Variants in C1orf185 observed in about 807,000 individuals in gnomAD.
C1orf185 encodes uncharacterized protein C1orf185.
In C1orf185, 13 loss-of-function variants were observed where a neutral mutation model predicts 16.1. The ratio of observed to expected loss-of-function variants is 0.81; its 90% confidence interval spans 0.53 to 1.28. The LOEUF is 1.28. Among genes scored for constraint, C1orf185 ranks in the 50% most tolerant of loss-of-function variants. The pLI is 0.00. For synonymous variants in C1orf185, 80 were observed against 76.9 expected (o/e 1.04, Z -0.21); for missense variants, 220 against 225.2 (o/e 0.98, Z 0.15).
intron 1 of C1orf185, among the ~76,000 whole-genome samples, chr1:51,110,350 G>A (rs1412387047): frequency 6.6e-6 from 1 of 151,902 alleles, no homozygotes; most frequent in African/African-American, 2.4e-5. Flanking sequence ...TCCTAATTTG[G>A]GGCATTTGGA....
chr1:51,107,948 A>G (rs1374343662), intron 1 of C1orf185, among the ~76,000 whole-genome samples: 1 of 152,228 alleles, frequency 6.6e-6, no homozygotes, highest in African/African-American at 2.4e-5. Context: ...TAGTGCTCCT[A>G]TAAATATTTT....
In C1orf185 at chr1:51,147,593, A is replaced by G; in HGVS notation, c.422A>G (p.Asp141Gly). The G allele has an allele frequency of 6.4e-7, 1 of 1,551,576 alleles. No individual in the cohort carries two copies. The highest frequency in any genetic ancestry group is 2.4e-5 in the East Asian group (1 of 40,898). The change falls in exon 5 of 5, where the codon GAT becomes GGT. Residue 141 changes from aspartate (D) to glycine (G), a missense_variant. Physicochemically the swap from Asp to Gly is moderately conservative, Grantham distance 94. Transcript: ENST00000371759. ...VTLSLSTLPS[D>G]SYYSQSIEAA... is the part of the protein sequence containing the mutation. ...TTAAGCTTATCAACATTACCATCTG[A>G]TTCTTATTACAGCCAAAGTATAGAA...
rs547274694 is a variant in C1orf185, at chr1:51,113,689, AATAC to A, written c.122+1140_122+1143del. Among the ~76,000 whole-genome samples, 20 of 152,116 alleles carry A rather than the reference AATAC, an allele frequency of 1.3e-4. No homozygotes were observed. The East Asian group carries it at 2.7e-3, about 21-fold the overall frequency. ...GAAAAGAGTGAAACTCCATCTCAAA[AATAC>A]ATACATACATACATACATAAATTCA... On this transcript the variant is annotated intron_variant, in intron 2 of 4. Transcript: ENST00000371759.
Position 51,132,351 on chromosome 1 carries a change from C to T in C1orf185, c.259-13373C>T, listed in dbSNP as rs141085624. 3.9e-3 allele frequency among the ~76,000 whole-genome samples: 587 copies of T among 152,216 alleles called. 2 individuals carry two copies. The highest frequency in any genetic ancestry group is 6.9e-3 in the Non-Finnish European group (471 of 68,012). The stretch of plus-strand genomic sequence containing the variant: ...CAAGAAGCTAAAAATCATGATAAAA[C>T]GATGCAGGAGCTGACAGACAAAATA... On this transcript the variant is annotated intron_variant, in intron 3 of 4. Transcript: ENST00000371759.
chr1:51,129,284 G>A (rs371036301), intron 3 of C1orf185, among the ~76,000 whole-genome samples: 11 of 152,244 alleles, frequency 7.2e-5, no homozygotes, highest in African/African-American at 1.9e-4. Flanking sequence ...GGGATTATGA[G>A]TGTGAGCCGC....
chr1:51,107,974 G>C (rs1646086392), intron 1 of C1orf185, among the ~76,000 whole-genome samples: 1 of 152,150 alleles, frequency 6.6e-6, no homozygotes, highest in African/African-American at 2.4e-5. Context: ...ATGTTTTTGT[G>C]AACACACATA....
At chr1:51,119,120 T>C (rs928461989) in intron 3 of C1orf185, among the ~76,000 whole-genome samples, 7 of 152,182 alleles carry the variant, frequency 4.6e-5, no homozygotes, top group Non-Finnish European at 8.8e-5. Flanking sequence ...GATCTGGAGA[T>C]AAGAGATACT....
downstream of C1orf185, among the ~76,000 whole-genome samples, chr1:51,149,180 T>C (rs1646418588): frequency 6.6e-6 from 1 of 152,064 alleles, no homozygotes; most frequent in Non-Finnish European, 1.5e-5. Flanking sequence ...ATGAAATTAA[T>C]CCCCTTGGGA....
chr1:51,108,270 C>A (rs1570286443), intron 1 of C1orf185, among the ~76,000 whole-genome samples: 1 of 151,828 alleles, frequency 6.6e-6, no homozygotes, highest in Admixed American at 6.6e-5. Flanking sequence ...CATTTAGATT[C>A]TCTTTTATGA....
intron 3 of C1orf185, among the ~76,000 whole-genome samples, chr1:51,141,658 A>G (rs1254430455): frequency 6.6e-6 from 1 of 152,090 alleles, no homozygotes; most frequent in Middle Eastern, 3.2e-3. Flanking sequence ...AAATGTGTGT[A>G]TGGGTGTGTA....
downstream of C1orf185, among the ~76,000 whole-genome samples, chr1:51,148,475 T>G (rs970036126): frequency 6.6e-6 from 1 of 152,166 alleles, no homozygotes; most frequent in Non-Finnish European, 1.5e-5. Context: ...CCTTATACTT[T>G]TGATGTTTTC....
intron 2 of C1orf185, among the ~76,000 whole-genome samples, chr1:51,114,582 G>C (rs1646144667): frequency 6.6e-6 from 1 of 152,084 alleles, no homozygotes; most frequent in Non-Finnish European, 1.5e-5. Context: ...AATTACCCGG[G>C]AATGGTGGTA....
intron 1 of C1orf185, among the ~76,000 whole-genome samples, chr1:51,103,654 T>C (rs1646049487): frequency 6.6e-6 from 1 of 151,556 alleles, no homozygotes; most frequent in African/African-American, 2.4e-5. Context: ...CTGCCTCAGC[T>C]GCCCCGCTAA....
chr1:51,135,894 C>A (rs866240427), intron 3 of C1orf185, among the ~76,000 whole-genome samples: 12 of 152,264 alleles, frequency 7.9e-5, no homozygotes, highest in Non-Finnish European at 1.5e-4. Context: ...ACATGCTCCA[C>A]TATCTAGAAA....
At chr1:51,129,116 C>G (rs1223133581) in intron 3 of C1orf185, among the ~76,000 whole-genome samples, 2 of 152,206 alleles carry the variant, frequency 1.3e-5, no homozygotes, top group South Asian at 4.2e-4. Context: ...AACTCCTGAC[C>G]TCAGGCGATC....
intron 3 of C1orf185, among the ~76,000 whole-genome samples, chr1:51,143,195 C>T (rs890372595): frequency 2.0e-5 from 3 of 152,178 alleles, no homozygotes; most frequent in Non-Finnish European, 4.4e-5. Flanking sequence ...TGTGAAGACA[C>T]TTTGAAACCA....
intron 1 of C1orf185, among the ~76,000 whole-genome samples, chr1:51,109,825 G>T (rs1325038280): frequency 6.6e-6 from 1 of 152,104 alleles, no homozygotes; most frequent in Non-Finnish European, 1.5e-5. Flanking sequence ...CAGATAGTGT[G>T]ATACCTCCAA....
At chr1:51,117,648 TAC>T (rs1646167430) in intron 2 of C1orf185, among the ~76,000 whole-genome samples, 1 of 152,176 alleles carries the variant, frequency 6.6e-6, no homozygotes, top group Non-Finnish European at 1.5e-5. Context: ...ACTTTAGTAA[TAC>T]ACATGTAAGT....
chr1:51,117,284 A>G (rs1646164763), intron 2 of C1orf185, among the ~76,000 whole-genome samples: 1 of 152,222 alleles, frequency 6.6e-6, no homozygotes, highest in Non-Finnish European at 1.5e-5. Context: ...ATATTCTAGT[A>G]CCTCTGAAAG....
Sources: allele counts gnomAD v4.1 joint callset (sites outside exome capture counted in the v4.1 genomes callset), GRCh38; gene constraint gnomAD v4.1.1; transcripts MANE v1.5; gene names NCBI Gene and HGNC (gene_info 2026-07-23, HGNC 2026-07-21).